Variants in NCOA3 observed in about 807,000 individuals in gnomAD.
The protein encoded by NCOA3 is nuclear receptor coactivator 3.
A neutral mutation model predicts 158.8 loss-of-function variants in NCOA3; 51 were observed. The ratio of observed to expected loss-of-function variants is 0.32; its 90% confidence interval spans 0.26 to 0.41. NCOA3 has a LOEUF of 0.41. NCOA3 is among the 10% of genes least tolerant of loss of function. The pLI is 1.00. For synonymous variants in NCOA3, 537 were observed against 592.4 expected (o/e 0.91, Z 1.36); for missense variants, 1,510 against 1,746.6 (o/e 0.86, Z 2.41).
intron 1 of NCOA3, among the ~76,000 whole-genome samples, chr20:47,558,232 A>G (rs1054189411): frequency 1.8e-5 from 1 of 55,536 alleles, no homozygotes; most frequent in Non-Finnish European, 3.4e-5. Flanking sequence ...CTAATTTTGT[A>G]TTTTTTTTTT....
chr20:47,508,050 T>TA (rs1019533068), intron 1 of NCOA3, among the ~76,000 whole-genome samples: 15 of 151,422 alleles, frequency 9.9e-5, no homozygotes, highest in Non-Finnish European at 2.2e-4. Flanking sequence ...TTGTATTGTT[T>TA]AAAAAAAAGG....
intron 1 of NCOA3, among the ~76,000 whole-genome samples, chr20:47,527,255 C>T (rs993781982): frequency 5.9e-5 from 9 of 151,790 alleles, no homozygotes; most frequent in Non-Finnish European, 8.8e-5. Context: ...TCTCAGTGTT[C>T]GGGGTGAATA....
chr20:47,576,567 T>C (rs1045586565), intron 1 of NCOA3, among the ~76,000 whole-genome samples: 1 of 152,138 alleles, frequency 6.6e-6, no homozygotes, highest in Non-Finnish European at 1.5e-5. Flanking sequence ...TGAATAAAAT[T>C]GTCACCTTGA....
At chr20:47,634,608 A>G (rs1249674249) in intron 10 of NCOA3, among the ~76,000 whole-genome samples, 1 of 152,180 alleles carries the variant, frequency 6.6e-6, no homozygotes, top group African/African-American at 2.4e-5. Flanking sequence ...TCACCCATTA[A>G]TTATCTTGAG....
intron 2 of NCOA3, among the ~76,000 whole-genome samples, chr20:47,621,322 C>A (rs2086236954): frequency 6.6e-6 from 1 of 150,674 alleles, no homozygotes; most frequent in African/African-American, 2.4e-5. Context: ...TGAATTTTTT[C>A]ATTTTTATAA....
intron 1 of NCOA3, among the ~76,000 whole-genome samples, chr20:47,503,744 C>T (rs996772385): frequency 6.6e-6 from 1 of 152,156 alleles, no homozygotes; most frequent in African/African-American, 2.4e-5. Flanking sequence ...AAGAACTCTG[C>T]CAGGGTTCAT....
chr20:47,505,003 GTTTTTTTT>G lies in NCOA3; in HGVS notation c.-99+3003_-99+3010del, dbSNP rs1166777115. ...TAAAATAAATGGCTTTGGGTTTTTG[GTTTTTTTT>G]TTTTTTTTTTTTTTTTTTGCGGGCA... On this transcript the variant is annotated intron_variant, in intron 1 of 22. Transcript: ENST00000371998. Among the ~76,000 whole-genome samples the G allele has an allele frequency of 5.3e-3, 152 of 28,538 alleles. 1 individual carries two copies. The highest frequency in any genetic ancestry group is 0.025 in the African/African-American group (137 of 5,524). 18.7% of individuals were successfully genotyped at this position (28,538 alleles called of 152,430 possible). A position where few individuals can be genotyped will look rare whatever the true frequency, so the allele number is the denominator to read the frequency against.
intron 2 of NCOA3, among the ~76,000 whole-genome samples, chr20:47,594,470 C>G (rs2085709783): frequency 1.3e-5 from 2 of 151,446 alleles, no homozygotes; most frequent in Admixed American, 1.3e-4. Context: ...CGAAACCAGC[C>G]TGGCCAACAT....
intron 1 of NCOA3, among the ~76,000 whole-genome samples, chr20:47,522,954 G>T (rs2084369273): frequency 6.6e-6 from 1 of 151,882 alleles, no homozygotes; most frequent in Admixed American, 6.6e-5. Flanking sequence ...ACTTTGGGAG[G>T]CCGAGGTGGG....
intron 1 of NCOA3, among the ~76,000 whole-genome samples, chr20:47,530,331 A>G (rs1174225617): frequency 6.6e-6 from 1 of 152,210 alleles, no homozygotes; most frequent in Non-Finnish European, 1.5e-5. Flanking sequence ...GGTTTTATAC[A>G]TACAGAAGAA....
rs141124631 is a variant in NCOA3, at chr20:47,611,897, T to C, written c.-19-10332T>C. On this transcript the variant is annotated intron_variant, in intron 2 of 22. Coordinates refer to ENST00000371998, the MANE Select transcript of NCOA3 (RefSeq NM_181659.3). ...GGAGTGCAGTGGCGCGAACCTTAGC[T>C]CACTGTAACCTCTGCCTCCTGGGCT... 1.6e-3 allele frequency among the ~76,000 whole-genome samples: 236 copies of C among 152,248 alleles called. 2 individuals carry two copies. The highest frequency in any genetic ancestry group is 5.3e-3 in the African/African-American group (222 of 41,548).
intron 1 of NCOA3, among the ~76,000 whole-genome samples, chr20:47,559,616 C>T (rs1002802095): frequency 2.0e-5 from 3 of 151,828 alleles, no homozygotes; most frequent in African/African-American, 4.8e-5. Context: ...CGTGGTGGCT[C>T]ACCTCTGTAA....
intron 1 of NCOA3, among the ~76,000 whole-genome samples, chr20:47,543,846 G>C (rs1389462784): frequency 6.6e-6 from 1 of 152,092 alleles, no homozygotes; most frequent in Non-Finnish European, 1.5e-5. Flanking sequence ...TTGGTCACCT[G>C]GTGTGGGTAC....
intron 2 of NCOA3, among the ~76,000 whole-genome samples, chr20:47,605,650 C>A (rs561968012): frequency 1.4e-4 from 21 of 152,150 alleles, no homozygotes; most frequent in African/African-American, 4.8e-4. Context: ...CATTTCCTGA[C>A]TGCCTTTGCT....
Position 47,630,457 on chromosome 20 carries a change from C to CTTTTTTTTTTTT in NCOA3, c.823+2446_823+2457dup, listed in dbSNP as rs10679994. ...AGAAAGGATAAATATATGGGCAAGACTTTTTTTTTTTTTTTTTTTTTTTGA... is the reference window on the plus strand; with the variant it reads ...AGAAAGGATAAATATATGGGCAAGACTTTTTTTTTTTTTTTTTTTTTTTTTTTTTTTTTTTGA... On this transcript the variant is annotated intron_variant, in intron 8 of 22. Transcript: ENST00000371998. 3.2e-5 allele frequency: 3 copies of CTTTTTTTTTTTT among 92,348 alleles called. 1 individual carries two copies. The highest frequency in any genetic ancestry group is 2.0e-5 in the Non-Finnish European group (1 of 50,574). The allele number at this position is 92,348 out of a possible 1,614,324, so 5.7% of individuals were successfully genotyped here.
intron 1 of NCOA3, among the ~76,000 whole-genome samples, chr20:47,553,583 G>T (rs1214036591): frequency 1.6e-5 from 2 of 127,480 alleles, no homozygotes; most frequent in Non-Finnish European, 3.1e-5. Flanking sequence ...GGTGTGTGAT[G>T]TTCCCCTTCC....
intron 1 of NCOA3, among the ~76,000 whole-genome samples, chr20:47,505,645 C>T (rs2084020387): frequency 6.6e-6 from 1 of 152,028 alleles, no homozygotes; most frequent in African/African-American, 2.4e-5. Flanking sequence ...GGTTAAAGCT[C>T]TGAGAGCAGA....
At position 47,516,675 on chromosome 20, in the gene NCOA3, C is replaced by T. The variant is rs73624671; in HGVS notation, c.-99+14656C>T. Among the ~76,000 whole-genome samples, 6 of 152,182 alleles carry T rather than the reference C, an allele frequency of 3.9e-5. No individual in the cohort carries two copies. The East Asian group carries it at 1.2e-3, about 29-fold the overall frequency. On this transcript the variant is annotated intron_variant, in intron 1 of 22. Transcript: ENST00000371998. Reference sequence around the variant, plus strand: ...GTGGCTCAAGCCTGTAATCCCAGCACTTTGGGAGGCCGAGGCAGGCATATC... The same window carrying T: ...GTGGCTCAAGCCTGTAATCCCAGCATTTTGGGAGGCCGAGGCAGGCATATC...
At chr20:47,544,670 T>C (rs559755621) in intron 1 of NCOA3, among the ~76,000 whole-genome samples, 2 of 152,294 alleles carry the variant, frequency 1.3e-5, no homozygotes, top group South Asian at 4.1e-4. Context: ...TTTAAAGTAA[T>C]ATCTTTTTCT....
Sources: allele counts gnomAD v4.1 joint callset (sites outside exome capture counted in the v4.1 genomes callset), GRCh38; gene constraint gnomAD v4.1.1; transcripts MANE v1.5; gene names NCBI Gene and HGNC (gene_info 2026-07-23, HGNC 2026-07-21).